GNB1: variants seen among roughly 807,000 people sequenced by gnomAD.
GNB1 encodes the protein G protein subunit beta 1, also known as guanine nucleotide-binding protein G(I)/G(S)/G(T) subunit beta-1.
GNB1 carries 2 observed loss-of-function variants against 42.9 expected under a neutral mutation model. That is an observed-to-expected ratio of 0.05 (90% CI 0.02 to 0.15). GNB1 has a LOEUF of 0.15. GNB1 is among the 10% of genes least tolerant of loss of function. The probability of loss-of-function intolerance (pLI) is 1.00; values close to 1 mark genes in which losing one functional copy is unlikely to be tolerated. For missense variants in GNB1, 193 were observed against 462.2 expected (o/e 0.42, Z 5.34); for synonymous variants, 183 against 174.7 (o/e 1.05, Z -0.38).
intron 7 of GNB1, 168 bp from the exon 8 acceptor site, chr1:1,793,479 G>T: frequency 1.9e-6 from 1 of 519,764 alleles, no homozygotes. Context: ...AGGTCCACAC[G>T]CACTGCTGGT....
At chr1:1,836,177 G>A (rs961199548) in intron 2 of GNB1, among the ~76,000 whole-genome samples, 2 of 151,996 alleles carry the variant, frequency 1.3e-5, no homozygotes, top group East Asian at 1.9e-4. Flanking sequence ...CATCCTATAA[G>A]CAATGTGGAG....
At position 1,823,998 on chromosome 1, in the gene GNB1, C is replaced by T. The variant is rs935193024; in HGVS notation, c.57+1399G>A. 3.9e-5 allele frequency among the ~76,000 whole-genome samples: 6 copies of T among 152,252 alleles called. No homozygotes were observed. The South Asian group carries it at 8.3e-4, about 21-fold the overall frequency. On this transcript the variant is annotated intron_variant, in intron 3 of 11. Coordinates refer to ENST00000378609, the MANE Select transcript of GNB1 (RefSeq NM_002074.5). ...CCTCCTGGGTAGCTCAGACTACAGG[C>T]GCGCACCACCATACCCAGCTTATAA...
intron 3 of GNB1, among the ~76,000 whole-genome samples, chr1:1,820,604 T>C (rs939763755): frequency 6.6e-6 from 1 of 152,310 alleles, no homozygotes; most frequent in Admixed American, 6.5e-5. Context: ...AGTTTAATAT[T>C]TGTTTTTGAA....
chr1:1,837,974 G>A (rs1393039413), intron 2 of GNB1, among the ~76,000 whole-genome samples: 3 of 152,020 alleles, frequency 2.0e-5, no homozygotes, highest in African/African-American at 7.2e-5. Context: ...AGGCCAAGGC[G>A]GGTGGATCAC....
intron 5 of GNB1, among the ~76,000 whole-genome samples, chr1:1,807,620 G>C (rs1236058030): frequency 6.6e-6 from 1 of 152,016 alleles, no homozygotes; most frequent in African/African-American, 2.4e-5. Flanking sequence ...ACCAAAGGAG[G>C]CGTTCCCTCC....
At chr1:1,836,458 C>T (rs543180527) in intron 2 of GNB1, among the ~76,000 whole-genome samples, 3 of 137,270 alleles carry the variant, frequency 2.2e-5, no homozygotes, top group African/African-American at 5.4e-5. Flanking sequence ...GTGGTGTGAT[C>T]GTGACTCACT....
At chr1:1,819,699 C>T (rs566650398) in intron 3 of GNB1, among the ~76,000 whole-genome samples, 3 of 115,058 alleles carry the variant, frequency 2.6e-5, no homozygotes, top group African/African-American at 5.7e-5. Context: ...TTACTATGCC[C>T]GGCTAATTTT....
chr1:1,890,728 C>CGGCGGGTGGGGTGGGGGCGG (rs1553209622), intron 1 of GNB1, 92 bp downstream of exon 1: 2 of 148,312 alleles, frequency 1.3e-5, no homozygotes, highest in Non-Finnish European at 3.0e-5. Flanking sequence ...CGGCCCCGAC[C>CGGCGGGTGGGGTGGGGGCGG]GGCGGGTGGG....
intron 1 of GNB1, among the ~76,000 whole-genome samples, chr1:1,841,257 T>C (rs1202904320): frequency 6.6e-6 from 1 of 152,034 alleles, no homozygotes; most frequent in African/African-American, 2.4e-5. Context: ...GGCATGATCT[T>C]GGCTCACTGC....
intron 1 of GNB1, among the ~76,000 whole-genome samples, chr1:1,852,056 TAA>T (rs1648014589): frequency 6.6e-6 from 1 of 150,632 alleles, no homozygotes; most frequent in Admixed American, 6.6e-5. Context: ...AAAAAATAAA[TAA>T]AGAGACATTC....
chr1:1,807,463 GAA>G (rs533616486), intron 5 of GNB1, among the ~76,000 whole-genome samples: 17 of 25,572 alleles, frequency 6.6e-4, no homozygotes, highest in African/African-American at 2.0e-3. Flanking sequence ...GATCCTGACT[GAA>G]AAAAAAAAAA....
intron 1 of GNB1, among the ~76,000 whole-genome samples, chr1:1,883,760 C>T (rs368746006): frequency 4.6e-5 from 7 of 152,108 alleles, no homozygotes; most frequent in African/African-American, 1.4e-4. Context: ...ATTTTCAGTG[C>T]GAATAAAAGT....
At chr1:1,832,433 T>G (rs1647089713) in intron 2 of GNB1, 1 of 152,212 alleles carries the variant, frequency 6.6e-6, no homozygotes, top group African/African-American at 2.4e-5. Context: ...GTCTTCCTGA[T>G]GACCCATATC....
In GNB1 at chr1:1,787,151, T is replaced by C; in HGVS notation, c.*10-98A>G. ...TGCTCTTCCCATCACTGCATGAGTG[T>C]CTGCAGCTGAGGGCACGTGACTTCA... On this transcript the variant is annotated intron_variant, in intron 11 of 11. Coordinates refer to ENST00000378609, the MANE Select transcript of GNB1 (RefSeq NM_002074.5). This position sits in a 1 kb window ranked among gnomAD's most constrained non-coding sequence, Gnocchi z 4.4. The C allele has an allele frequency of 1.9e-6, 1 of 530,242 alleles. No homozygotes were observed. Among genetic ancestry groups the C allele is most frequent in the South Asian group, 2.2e-5 (1 of 45,338 alleles). 32.8% of individuals were successfully genotyped at this position (530,242 alleles called of 1,614,324 possible).
At chr1:1,838,834 G>A (rs935061353) in intron 2 of GNB1, among the ~76,000 whole-genome samples, 1 of 152,172 alleles carries the variant, frequency 6.6e-6, no homozygotes, top group Non-Finnish European at 1.5e-5. Context: ...CTCTGATTCA[G>A]AAGGTAAATC....
intron 2 of GNB1, among the ~76,000 whole-genome samples, chr1:1,827,591 T>TTGTGGA (rs1647016337): frequency 2.0e-5 from 3 of 152,168 alleles, no homozygotes; most frequent in Admixed American, 1.3e-4. Flanking sequence ...CGACTGTGAT[T>TTGTGGA]TGTGGACGTT....
chr1:1,846,210 AT>A (rs1647657735), intron 1 of GNB1, among the ~76,000 whole-genome samples: 1 of 151,896 alleles, frequency 6.6e-6, no homozygotes, highest in Admixed American at 6.6e-5. Flanking sequence ...TAACATATAA[AT>A]TAAAAAAAAA....
intron 1 of GNB1, among the ~76,000 whole-genome samples, chr1:1,881,372 T>G (rs565468200): frequency 6.6e-6 from 1 of 151,966 alleles, no homozygotes; most frequent in East Asian, 1.9e-4. Flanking sequence ...CAGATCAATC[T>G]CCTTAAAACT....
intron 5 of GNB1, among the ~76,000 whole-genome samples, chr1:1,815,085 C>A (rs1010222942): frequency 6.7e-6 from 1 of 148,476 alleles, no homozygotes; most frequent in African/African-American, 2.5e-5. Context: ...GCACTCCAGG[C>A]TGGGCAACAC....
Sources: gnomAD v4.1 joint callset for allele counts (sites outside exome capture counted in the v4.1 genomes callset) on GRCh38, gnomAD v4.1.1 for gene constraint, Gnocchi (gnomAD v3.1) non-coding constraint, MANE v1.5 for transcripts, NCBI Gene and HGNC (gene_info 2026-07-23, HGNC 2026-07-21) for gene names.